ULK4: variants seen among roughly 807,000 people sequenced by gnomAD.
ULK4 encodes inactive serine/threonine-protein kinase ULK4.
ULK4 carries 133 observed loss-of-function variants against 160.6 expected under a neutral mutation model. The observed-to-expected ratio is 0.83, with a 90% CI of 0.72 to 0.96. ULK4 has a LOEUF of 0.96. Ranked by LOEUF, ULK4 falls within the 40% of genes least tolerant of loss-of-function variation. ULK4 has a pLI of 0.00. For synonymous variants in ULK4, 534 were observed against 539.8 expected (o/e 0.99, Z 0.15); for missense variants, 1,580 against 1,499.5 (o/e 1.05, Z -0.89).
chr3:41,835,916 T>C lies in ULK4; in HGVS notation c.1712A>G (p.Lys571Arg). The C allele has an allele frequency of 6.2e-7, 1 of 1,613,376 alleles. No homozygotes were observed. Among genetic ancestry groups the C allele is most frequent in the Non-Finnish European group, 8.5e-7 (1 of 1,179,830 alleles). The change falls in exon 18 of 37, where the codon AAA becomes AGA. Residue 571 changes from lysine (K) to arginine (R), a missense_variant. Coordinates refer to ENST00000301831, the MANE Select transcript of ULK4 (RefSeq NM_017886.4). ...IRENFRNSKL[K>R]QCLLPTLGEL... ...CCCAAGGGTTGGTAAAAGGCACTGT[T>C]TTAATTTGCTGTTCCTGAAGTTTTC...
rs202195091 is a variant in ULK4 at position 41,690,473 on chromosome 3, G to GA, written c.2782-8670dup. Among the ~76,000 whole-genome samples the GA allele has an allele frequency of 2.6e-3, 385 of 147,088 alleles. 1 individual carries two copies. The highest frequency in any genetic ancestry group is 8.6e-3 in the African/African-American group (348 of 40,402). On this transcript the variant is annotated intron_variant, in intron 27 of 36. Coordinates refer to ENST00000301831, the MANE Select transcript of ULK4 (RefSeq NM_017886.4). ...AAAAATAATAATAATTTTTAAAAAA[G>GA]AAAAAAAAAACTTTTCTCACAGGCC...
intron 21 of ULK4, among the ~76,000 whole-genome samples, chr3:41,772,674 T>A (rs2039437593): frequency 6.6e-6 from 1 of 152,176 alleles, no homozygotes; most frequent in Non-Finnish European, 1.5e-5. Flanking sequence ...CTTCTGAAAC[T>A]ATTCCAATCA....
At chr3:41,808,327 C>CAAT (rs1366710906) in intron 19 of ULK4, among the ~76,000 whole-genome samples, 3 of 152,162 alleles carry the variant, frequency 2.0e-5, no homozygotes, top group South Asian at 2.1e-4. Flanking sequence ...GTTCCTAGGA[C>CAAT]TCATTCCTAG....
chr3:41,300,087 C>T (rs1471548363), intron 35 of ULK4, among the ~76,000 whole-genome samples: 1 of 152,168 alleles, frequency 6.6e-6, no homozygotes, highest in African/African-American at 2.4e-5. Flanking sequence ...AGTTTCATCA[C>T]ACGCTTGCCA....
intron 21 of ULK4, among the ~76,000 whole-genome samples, chr3:41,773,659 T>C (rs1241974862): frequency 2.0e-5 from 3 of 152,080 alleles, no homozygotes; most frequent in Admixed American, 6.5e-5. Context: ...AGGTAATTTA[T>C]AAATTCAATG....
At chr3:41,873,238 T>TTTTTA (rs1697175356) in intron 17 of ULK4, among the ~76,000 whole-genome samples, 14 of 148,918 alleles carry the variant, frequency 9.4e-5, no homozygotes, top group African/African-American at 2.5e-4. Context: ...TTTTTTTTTT[T>TTTTTA]TTTTTGAAAA....
At chr3:41,560,164 G>A (rs1035379431) in intron 32 of ULK4, among the ~76,000 whole-genome samples, 1 of 152,196 alleles carries the variant, frequency 6.6e-6, no homozygotes, top group Non-Finnish European at 1.5e-5. Flanking sequence ...TCAAAGATCA[G>A]ATGGTTGTAG....
chr3:41,624,142 T>C (rs9877904), intron 30 of ULK4, among the ~76,000 whole-genome samples: 17,220 of 152,150 alleles, frequency 0.11, 1,778 homozygotes, highest in African/African-American at 0.27. Flanking sequence ...CATGCCTAGG[T>C]AGGACAGGAA....
chr3:41,844,849 T>C (rs6795917), intron 17 of ULK4, among the ~76,000 whole-genome samples: 10,849 of 150,860 alleles, frequency 0.072, 1,225 homozygotes, highest in African/African-American at 0.24. Context: ...GACCCAGCAA[T>C]TGCACTCCTG....
intron 22 of ULK4, among the ~76,000 whole-genome samples, chr3:41,750,074 G>C (rs1454278771): frequency 6.6e-6 from 1 of 152,188 alleles, no homozygotes; most frequent in Non-Finnish European, 1.5e-5. Context: ...AGCCTCAACT[G>C]AGAATCTCAG....
chr3:41,526,802 G>T (rs1295327364), intron 32 of ULK4, among the ~76,000 whole-genome samples: 1 of 152,176 alleles, frequency 6.6e-6, no homozygotes, highest in African/African-American at 2.4e-5. Flanking sequence ...TTGGAGTGTT[G>T]TAGGGTTTTT....
intron 19 of ULK4, among the ~76,000 whole-genome samples, chr3:41,811,281 C>T (rs1248604202): frequency 2.6e-5 from 4 of 152,174 alleles, no homozygotes; most frequent in African/African-American, 9.7e-5. Flanking sequence ...ACTACAGCCT[C>T]AAACTCCTGG....
chr3:41,713,650 T>C (rs534187928), intron 25 of ULK4, among the ~76,000 whole-genome samples: 1 of 152,180 alleles, frequency 6.6e-6, no homozygotes, highest in Non-Finnish European at 1.5e-5. Context: ...ATCTTAATGA[T>C]CTCTACACCA....
At chr3:41,523,408 G>C (rs1269542689) in intron 32 of ULK4, among the ~76,000 whole-genome samples, 1 of 152,116 alleles carries the variant, frequency 6.6e-6, no homozygotes, top group Non-Finnish European at 1.5e-5. Flanking sequence ...ATTTCTTCTA[G>C]AATCTAGAGA....
chr3:41,736,473 G>C (rs559800009), intron 22 of ULK4, among the ~76,000 whole-genome samples: 6 of 151,838 alleles, frequency 4.0e-5, no homozygotes, highest in African/African-American at 1.5e-4. Context: ...TGTGTGTTTT[G>C]GCTGCATAAA....
intron 18 of ULK4, among the ~76,000 whole-genome samples, chr3:41,823,784 C>A (rs1382874229): frequency 6.6e-6 from 1 of 152,132 alleles, no homozygotes; most frequent in Non-Finnish European, 1.5e-5. Flanking sequence ...CTTCCTTTTC[C>A]AGTTTGCTAT....
At chr3:41,647,928 C>T (rs1463745836) in intron 30 of ULK4, among the ~76,000 whole-genome samples, 7 of 152,204 alleles carry the variant, frequency 4.6e-5, no homozygotes, top group Non-Finnish European at 8.8e-5. Flanking sequence ...GCCTCGCTGC[C>T]GCCTTGCAGT....
intron 2 of ULK4, 131 bp from the exon 3 acceptor site, chr3:41,938,328 G>A: frequency 1.5e-6 from 1 of 658,326 alleles, no homozygotes; most frequent in South Asian, 2.3e-5. Flanking sequence ...ATTCTATACA[G>A]ACATTAGAAA....
At chr3:41,798,832 A>C (rs1189794868) in intron 20 of ULK4, among the ~76,000 whole-genome samples, 2 of 152,146 alleles carry the variant, frequency 1.3e-5, no homozygotes. Flanking sequence ...AGAGTCAGGA[A>C]AGGGCAAAAA....
Sources: gnomAD v4.1 joint callset for allele counts (sites outside exome capture counted in the v4.1 genomes callset) on GRCh38, gnomAD v4.1.1 for gene constraint, MANE v1.5 for transcripts, NCBI Gene and HGNC (gene_info 2026-07-23, HGNC 2026-07-21) for gene names.